UNC5C: variants seen among roughly 807,000 people sequenced by gnomAD.
The protein encoded by UNC5C is netrin receptor UNC5C.
Under a neutral mutation model 99.8 loss-of-function variants are expected in UNC5C, and 47 were observed. The observed-to-expected ratio is 0.47, with a 90% confidence interval of 0.37 to 0.60. The LOEUF (loss-of-function observed/expected upper bound fraction) is 0.60, where lower values mean the gene tolerates loss of function less well. Among genes scored for constraint, UNC5C ranks in the 20% least tolerant of loss-of-function variants. UNC5C has a pLI of 0.00. For missense variants in UNC5C, 1,062 were observed against 1,165.9 expected, an observed-to-expected ratio of 0.91 and a Z score of 1.30; for synonymous variants, 487 against 452.2, an observed-to-expected ratio of 1.08 and a Z score of -0.98.
At chr4:95,403,654 G>A (rs777737859) in intron 1 of UNC5C, among the ~76,000 whole-genome samples, 5 of 152,112 alleles carry the variant, frequency 3.3e-5, no homozygotes, top group Non-Finnish European at 7.4e-5. Context: ...CATTTCCCAA[G>A]TGCATCTCCT....
At chr4:95,350,477 C>T (rs1204318687) in intron 1 of UNC5C, among the ~76,000 whole-genome samples, 1 of 85,324 alleles carries the variant, frequency 1.2e-5, no homozygotes, top group Non-Finnish European at 2.6e-5. Flanking sequence ...CAGAGCAAGA[C>T]TCCGTCTCAA....
chr4:95,179,085 G>A (rs186972854), intron 14 of UNC5C, among the ~76,000 whole-genome samples: 2 of 152,284 alleles, frequency 1.3e-5, no homozygotes, highest in Admixed American at 6.5e-5. Flanking sequence ...GGTCTTTGAT[G>A]TTATGATTCC....
intron 7 of UNC5C, among the ~76,000 whole-genome samples, chr4:95,229,731 TAC>T (rs1284427564): frequency 6.6e-6 from 1 of 151,626 alleles, no homozygotes; most frequent in African/African-American, 2.4e-5. Context: ...TGAACTAATT[TAC>T]ACTCCCACCA....
chr4:95,339,346 C>T (rs974480548), intron 1 of UNC5C, among the ~76,000 whole-genome samples: 3 of 151,876 alleles, frequency 2.0e-5, no homozygotes, highest in African/African-American at 7.3e-5. Context: ...TTTTTCAGGG[C>T]ATTAAAGGAC....
At chr4:95,201,667 G>A (rs752109918) in intron 12 of UNC5C, among the ~76,000 whole-genome samples, 41 of 151,426 alleles carry the variant, frequency 2.7e-4, no homozygotes, top group African/African-American at 9.2e-4. Context: ...GCAGTGAGGC[G>A]ATTTCGGCTC....
intron 14 of UNC5C, among the ~76,000 whole-genome samples, chr4:95,172,251 C>T (rs930528957): frequency 6.7e-6 from 1 of 149,132 alleles, no homozygotes; most frequent in Non-Finnish European, 1.5e-5. Context: ...TAATGAGATC[C>T]CATTTGTCAA....
intron 3 of UNC5C, among the ~76,000 whole-genome samples, chr4:95,288,840 G>C (rs909767487): frequency 4.6e-5 from 7 of 152,172 alleles, no homozygotes; most frequent in Non-Finnish European, 1.0e-4. Flanking sequence ...GCCCACCTGG[G>C]CAATGTCAGA....
At chr4:95,241,546 G>A (rs1739330690) in intron 7 of UNC5C, among the ~76,000 whole-genome samples, 2 of 152,178 alleles carry the variant, frequency 1.3e-5, no homozygotes, top group Admixed American at 1.3e-4. Context: ...CTAGCAATGT[G>A]TAATGTATTA....
At chr4:95,434,124 T>C (rs1326533714) in intron 1 of UNC5C, among the ~76,000 whole-genome samples, 3 of 152,126 alleles carry the variant, frequency 2.0e-5, no homozygotes, top group African/African-American at 7.2e-5. Context: ...TGTTCCATGA[T>C]TGTAGGGACT....
intron 1 of UNC5C, among the ~76,000 whole-genome samples, chr4:95,391,557 T>A (rs1032463258): frequency 6.6e-6 from 1 of 152,156 alleles, no homozygotes; most frequent in African/African-American, 2.4e-5. Flanking sequence ...CTTTCCAATA[T>A]ATCTTGTATT....
intron 2 of UNC5C, among the ~76,000 whole-genome samples, chr4:95,323,506 A>G (rs1011172037): frequency 6.6e-6 from 1 of 152,214 alleles, no homozygotes; most frequent in East Asian, 1.9e-4. Flanking sequence ...CCAATAATTA[A>G]TTAAGCTGAA....
chr4:95,189,372 G>A (rs1305386891), intron 12 of UNC5C, among the ~76,000 whole-genome samples: 1 of 152,106 alleles, frequency 6.6e-6, no homozygotes, highest in East Asian at 1.9e-4. Context: ...CTGCAGCCTC[G>A]ACCTCTGTGC....
intron 2 of UNC5C, among the ~76,000 whole-genome samples, chr4:95,334,964 T>A (rs561767266): frequency 2.2e-4 from 34 of 152,024 alleles, no homozygotes; most frequent in Admixed American, 3.3e-4. Context: ...CATTTACAAA[T>A]CCTTAACAAA....
chr4:95,513,806 G>A (rs142349011), intron 1 of UNC5C, among the ~76,000 whole-genome samples: 2,463 of 152,204 alleles, frequency 0.016, 56 homozygotes, highest in Non-Finnish European at 0.015. Flanking sequence ...CTCATGTATT[G>A]TCAACCATCA....
In UNC5C at chr4:95,408,617, G is replaced by A. The variant is rs185519330; in HGVS notation, c.125-72986C>T. ...ATATATACTAACTGAACACTGAACC[G>A]TTTAATAAGAAAGAGAATCAAGTTT... is the stretch of plus-strand genomic sequence containing the variant. On this transcript the variant is annotated intron_variant, in intron 1 of 15. Coordinates refer to ENST00000453304, the MANE Select transcript of UNC5C (RefSeq NM_003728.4). 2.1e-4 allele frequency among the ~76,000 whole-genome samples: 32 copies of A among 152,182 alleles called. 1 individual carries two copies. In the East Asian group the frequency reaches 4.0e-3, roughly 19 times the overall value.
At chr4:95,432,231 C>T (rs969747355) in intron 1 of UNC5C, among the ~76,000 whole-genome samples, 15 of 151,972 alleles carry the variant, frequency 9.9e-5, no homozygotes, top group Non-Finnish European at 1.5e-4. Flanking sequence ...TCACAGACTC[C>T]GGGCCATTTG....
At chr4:95,469,324 T>G (rs1447152318) in intron 1 of UNC5C, among the ~76,000 whole-genome samples, 1 of 152,150 alleles carries the variant, frequency 6.6e-6, no homozygotes, top group Non-Finnish European at 1.5e-5. Flanking sequence ...TTTCTAAAAT[T>G]ATCGAACCAT....
chr4:95,496,065 A>G (rs1028314139), intron 1 of UNC5C, among the ~76,000 whole-genome samples: 4 of 151,794 alleles, frequency 2.6e-5, no homozygotes, highest in African/African-American at 9.7e-5. Flanking sequence ...CAAAATGTCT[A>G]CAACTAACTG....
intron 1 of UNC5C, among the ~76,000 whole-genome samples, chr4:95,490,943 C>T (rs1721468729): frequency 6.6e-6 from 1 of 151,448 alleles, no homozygotes; most frequent in South Asian, 2.1e-4. Flanking sequence ...CTGTTTTCTG[C>T]TAGACAGAGA....
Sources: gnomAD v4.1 joint callset for allele counts (sites outside exome capture counted in the v4.1 genomes callset) on GRCh38, gnomAD v4.1.1 for gene constraint, MANE v1.5 for transcripts, NCBI Gene and HGNC (gene_info 2026-07-23, HGNC 2026-07-21) for gene names.